The following COL1A1 variants were observed in gnomAD, a reference collection of about 807,000 sequenced individuals.
The protein encoded by COL1A1 is collagen alpha-1(I) chain.
A neutral mutation model predicts 195.7 loss-of-function variants in COL1A1; 21 were observed. The observed-to-expected ratio is 0.11, with a 90% confidence interval of 0.08 to 0.15. COL1A1 has a LOEUF of 0.15. COL1A1 is among the 10% of genes least tolerant of loss of function. COL1A1 has a pLI of 1.00. For missense variants in COL1A1, 1,365 were observed against 2,051.0 expected (o/e 0.67, Z 6.46); for synonymous variants, 749 against 747.3 (o/e 1.00, Z -0.04).
In COL1A1 at chr17:50,193,061, G is replaced by C; in HGVS notation, c.1768-14C>G. ...GCCGGGCTCTCCCTGTGGAGAAAGG[G>C]AGTTAGGGTTGAGGGGGCTGAAGTG... On this transcript the variant is annotated splice_polypyrimidine_tract_variant and intron_variant, in intron 25 of 50. Coordinates refer to ENST00000225964, the MANE Select transcript of COL1A1 (RefSeq NM_000088.4). 1 of 1,613,536 alleles carries C rather than the reference G, an allele frequency of 6.2e-7. No individual in the cohort carries two copies. Among genetic ancestry groups the C allele is most frequent in the Non-Finnish European group, 8.5e-7 (1 of 1,179,862 alleles).
chr17:50,189,794 C>T lies in COL1A1; in HGVS notation c.2614-62G>A, dbSNP rs1906905390. The T allele has an allele frequency of 6.2e-7, 1 of 1,611,662 alleles. No individual in the cohort carries two copies. The highest frequency in any genetic ancestry group is 2.2e-5 in the East Asian group (1 of 44,830). ...ACAGCCAACTCATCCGACCCAGCTG[C>T]CCTCACCTGCCACCGCTGCCTGGGG... On this transcript the variant is annotated intron_variant, in intron 37 of 50. Coordinates refer to ENST00000225964, the MANE Select transcript of COL1A1 (RefSeq NM_000088.4). The surrounding 1 kb of genome is among the most constrained non-coding windows in gnomAD (Gnocchi z 5.5).
Position 50,186,371 on chromosome 17 carries a change from G to A in COL1A1, c.3951C>T (p.Asn1317=). The change falls in exon 49 of 51, where the codon AAC becomes AAT. Residue 1317 remains asparagine (N), a synonymous_variant. Coordinates refer to ENST00000225964, the MANE Select transcript of COL1A1 (RefSeq NM_000088.4). This position sits in a 1 kb window ranked among gnomAD's most constrained non-coding sequence, Gnocchi z 5.3. ...VAQKNWYISK[N]PKDKRHVWFG... ...ACCAGACATGCCTCTTGTCCTTGGGGTTCTTGCTGATGTACCAGTTCTTCT... is the reference window on the plus strand; with the variant it reads ...ACCAGACATGCCTCTTGTCCTTGGGATTCTTGCTGATGTACCAGTTCTTCT... 6.2e-7 allele frequency: 1 copy of A among 1,614,226 alleles called. No homozygotes were observed. The highest frequency in any genetic ancestry group is 8.5e-7 in the Non-Finnish European group (1 of 1,180,044).
chr17:50,189,314 C>G lies in COL1A1; in HGVS notation c.2830-39G>C. 3 of 1,613,774 alleles carry G rather than the reference C, an allele frequency of 1.9e-6. No individual in the cohort carries two copies. Among genetic ancestry groups the G allele is most frequent in the Non-Finnish European group, 2.5e-6 (3 of 1,179,866 alleles). ...ACAGGGGTGAGGTGCCAGAGAGCAGCACAGGGACCCCTCCCCAGCTCTGCA... is the reference window on the plus strand; with the variant it reads ...ACAGGGGTGAGGTGCCAGAGAGCAGGACAGGGACCCCTCCCCAGCTCTGCA... On this transcript the variant is annotated intron_variant, in intron 39 of 50. Coordinates refer to ENST00000225964, the MANE Select transcript of COL1A1 (RefSeq NM_000088.4). The surrounding 1 kb of genome is among the most constrained non-coding windows in gnomAD (Gnocchi z 5.5).
At chr17:50,192,372 C>A (rs1403985773) in intron 29 of COL1A1, 103 bp downstream of exon 29, 11 of 1,347,806 alleles carry the variant, frequency 8.2e-6, no homozygotes, top group Non-Finnish European at 1.1e-5. Context: ...GGCGTCTAAC[C>A]TCAATCCCTC....
Position 50,194,320 on chromosome 17 carries a change from C to T in COL1A1, c.1614+29G>A. 6.2e-7 allele frequency: 1 copy of T among 1,612,314 alleles called. No homozygotes were observed. Among genetic ancestry groups the T allele is most frequent in the Non-Finnish European group, 8.5e-7 (1 of 1,178,540 alleles). ...CTACACGGGATGGTCAGGGCCTGGC[C>T]AAGCCAGGCTGAAAGCCTGGGGCCT... is the stretch of plus-strand genomic sequence containing the variant. On this transcript the variant is annotated intron_variant, in intron 23 of 50. Transcript: ENST00000225964. The surrounding 1 kb of genome is among the most constrained non-coding windows in gnomAD (Gnocchi z 6.8).
Position 50,200,031 on chromosome 17 carries a change from C to G in COL1A1, c.104-84G>C, listed in dbSNP as rs529415916. 2.8e-6 allele frequency: 4 copies of G among 1,448,292 alleles called. No homozygotes were observed. In the East Asian group the frequency reaches 9.1e-5, roughly 33 times the overall value. The allele number at this position is 1,448,292 out of a possible 1,614,324, so 89.7% of individuals were successfully genotyped here. On this transcript the variant is annotated intron_variant, in intron 1 of 50. Transcript: ENST00000225964. Reference sequence around the variant, plus strand: ...CTTTCCCCCGGGTCTAAGAGGCACACTTGGATTTTTCACTTCCCGCCCCTC... The same window carrying G: ...CTTTCCCCCGGGTCTAAGAGGCACAGTTGGATTTTTCACTTCCCGCCCCTC...
rs1907499969 is a variant in COL1A1 at position 50,195,461 on chromosome 17, A to C, written c.1173T>G (p.Asp391Glu). Residue 391 changes from aspartate to glutamate, a missense_variant, in exon 18 of 51, where the codon GAT becomes GAG. Around this residue, in one of 5 missense-constraint regions of COL1A1, gnomAD observed 226 missense variants for 372.9 expected, o/e 0.61. Coordinates refer to ENST00000225964, the MANE Select transcript of COL1A1 (RefSeq NM_000088.4). This position sits in a 1 kb window ranked among gnomAD's most constrained non-coding sequence, Gnocchi z 4.3. ...TGGCACCTTTAGCACCAGGCTGTCC[A>C]TCAGCACCAGGGTTTCCCTGTGGCA... ...AAGPAGNPGA[D>E]GQPGAKGANG... 6.2e-7 allele frequency: 1 copy of C among 1,614,162 alleles called. No individual in the cohort carries two copies. The highest frequency in any genetic ancestry group is 1.3e-5 in the African/African-American group (1 of 75,028).
Position 50,195,147 on chromosome 17 carries a change from T to C in COL1A1, c.1300-47A>G, listed in dbSNP as rs567916614. On this transcript the variant is annotated intron_variant, in intron 19 of 50. Coordinates refer to ENST00000225964, the MANE Select transcript of COL1A1 (RefSeq NM_000088.4). This position sits in a 1 kb window ranked among gnomAD's most constrained non-coding sequence, Gnocchi z 4.3. ...TGAGCTGAGAGTCGGGGGCGCTCAG[T>C]TGGCCTGCGTCTTCCTGCTCCCCAG... The C allele has an allele frequency of 4.1e-5, 66 of 1,607,152 alleles. No individual in the cohort carries two copies. In the East Asian group the frequency reaches 1.3e-3, roughly 32 times the overall value.
At position 50,190,207 on chromosome 17, in the gene COL1A1, G is replaced by A; in HGVS notation, c.2452-99C>T. 1.6e-6 allele frequency: 2 copies of A among 1,289,880 alleles called. No individual in the cohort carries two copies. The highest frequency in any genetic ancestry group is 2.3e-6 in the Non-Finnish European group (2 of 885,796). 79.9% of individuals were successfully genotyped at this position (1,289,880 alleles called of 1,614,324 possible). ...TGGAGGCAGGAAGATGCTTGGGTGG[G>A]AAACAATCCCGTCTCCACCCTTCTC... On this transcript the variant is annotated intron_variant, in intron 35 of 50. Coordinates refer to ENST00000225964, the MANE Select transcript of COL1A1 (RefSeq NM_000088.4). The surrounding 1 kb of genome is among the most constrained non-coding windows in gnomAD (Gnocchi z 4.7).
intron 25 of COL1A1, among the ~76,000 whole-genome samples, chr17:50,193,271 C>T (rs1281752719): frequency 6.6e-6 from 1 of 152,148 alleles, no homozygotes; most frequent in Non-Finnish European, 1.5e-5. Context: ...GTTAGATGCC[C>T]GCTGTGGCCT....
chr17:50,191,631 A>G, intron 31 of COL1A1, 141 bp from the exon 32 acceptor site: 2 of 1,095,228 alleles, frequency 1.8e-6, no homozygotes, highest in Non-Finnish European at 2.7e-6. Context: ...CTCACAGCCC[A>G]GACTCCAGGC....
chr17:50,186,567 G>A lies in COL1A1; in HGVS notation c.3815-60C>T. On this transcript the variant is annotated intron_variant, in intron 48 of 50. Coordinates refer to ENST00000225964, the MANE Select transcript of COL1A1 (RefSeq NM_000088.4). This position sits in a 1 kb window ranked among gnomAD's most constrained non-coding sequence, Gnocchi z 5.3. ...AGGGAGCAGCCAGCACCATATGGTA[G>A]GGGCACATATGGGCATGGGGACCCT... 1.2e-6 allele frequency: 2 copies of A among 1,612,412 alleles called. No individual in the cohort carries two copies. Among genetic ancestry groups the A allele is most frequent in the Non-Finnish European group, 1.7e-6 (2 of 1,178,576 alleles).
In COL1A1 at chr17:50,196,326, G is replaced by A. The variant is rs780242725; in HGVS notation, c.945C>T (p.Ala315=). The A allele has an allele frequency of 2.8e-5, 45 of 1,609,732 alleles. No homozygotes were observed. The highest frequency in any genetic ancestry group is 3.7e-5 in the Non-Finnish European group (43 of 1,177,858). The change falls in exon 14 of 51, where the codon GCC becomes GCT. Residue 315 remains alanine (A), a synonymous_variant. Coordinates refer to ENST00000225964, the MANE Select transcript of COL1A1 (RefSeq NM_000088.4). ...GLPGERGRPG[A]PGPAGARGND... is the part of the protein sequence containing the mutation. ...CAGGAGTACTTACAGCAGGGCCAGG[G>A]GCTCCAGGGCGACCTCTCTCACCAG...
At chr17:50,191,596 C>A in intron 31 of COL1A1, 106 bp from the exon 32 acceptor site, 1 of 1,226,370 alleles carries the variant, frequency 8.2e-7, no homozygotes, top group South Asian at 1.3e-5. Context: ...AGGCCAACGA[C>A]AAGCCTTGAG....
Position 50,199,413 on chromosome 17 carries a change from C to T in COL1A1, c.369+5G>A. ...GCCCCCCACAGCCCAGAGTGCAACG[C>T]TTACCCTTGGGCCTCGGGGGCCAGT... On this transcript the variant is annotated splice_donor_5th_base_variant and intron_variant, in intron 4 of 50. Transcript: ENST00000225964. 6.2e-7 allele frequency: 1 copy of T among 1,613,982 alleles called. No homozygotes were observed. Among genetic ancestry groups the T allele is most frequent in the Non-Finnish European group, 8.5e-7 (1 of 1,179,912 alleles).
chr17:50,200,569 A>G (rs1907996220), intron 1 of COL1A1, among the ~76,000 whole-genome samples: 1 of 152,224 alleles, frequency 6.6e-6, no homozygotes, highest in Non-Finnish European at 1.5e-5. Context: ...AAGCCAGCCA[A>G]TGCCTCCAGG....
chr17:50,191,572 C>A, intron 31 of COL1A1, 82 bp from the exon 32 acceptor site: 1 of 1,368,468 alleles, frequency 7.3e-7, no homozygotes, highest in Non-Finnish European at 1.0e-6. Flanking sequence ...TGGTATCTCC[C>A]AGGCTTGTTT....
At position 50,186,163 on chromosome 17, in the gene COL1A1, G is replaced by A; in HGVS notation, c.4006-143C>T. 3 of 1,511,960 alleles carry A rather than the reference G, an allele frequency of 2.0e-6. No homozygotes were observed. The highest frequency in any genetic ancestry group is 2.7e-6 in the Non-Finnish European group (3 of 1,109,620). 93.7% of individuals were successfully genotyped at this position (1,511,960 alleles called of 1,614,324 possible). On this transcript the variant is annotated intron_variant, in intron 49 of 50. Coordinates refer to ENST00000225964, the MANE Select transcript of COL1A1 (RefSeq NM_000088.4). This position sits in a 1 kb window ranked among gnomAD's most constrained non-coding sequence, Gnocchi z 5.3. ...GGCACCACCTGCCCATCGGCAGCCT[G>A]TGTCTGAACCACTATCAGGGACCTG...
chr17:50,192,209 C>T (rs889782318), intron 29 of COL1A1, 185 bp from the exon 30 acceptor site: 2 of 739,604 alleles, frequency 2.7e-6, no homozygotes, highest in African/African-American at 1.8e-5. Context: ...GGCTTCCCCC[C>T]TCCCCAAACT....
Sources: gnomAD v4.1 joint callset for allele counts (sites outside exome capture counted in the v4.1 genomes callset) on GRCh38, gnomAD v4.1.1 for gene constraint, gnomAD v4.1.1 regional missense constraint, Gnocchi (gnomAD v3.1) non-coding constraint, MANE v1.5 for transcripts, NCBI Gene and HGNC (gene_info 2026-07-23, HGNC 2026-07-21) for gene names.